Variants in AGAP1 observed in about 807,000 individuals in gnomAD.
The protein encoded by AGAP1 is ArfGAP with GTPase domain, ankyrin repeat and PH domain 1, also known as arf-GAP with GTPase, ANK repeat and PH domain-containing protein 1.
AGAP1 carries 29 observed loss-of-function variants against 105.3 expected under a neutral mutation model. That is an observed-to-expected ratio of 0.28 (90% confidence interval 0.21 to 0.38). The LOEUF (loss-of-function observed/expected upper bound fraction) is 0.38. Among genes scored for constraint, AGAP1 ranks in the 10% least tolerant of loss-of-function variants. The pLI is 1.00. For missense variants in AGAP1, 998 were observed against 1,165.1 expected, an observed-to-expected ratio of 0.86 and a Z score of 2.09; for synonymous variants, 509 against 485.9, an observed-to-expected ratio of 1.05 and a Z score of -0.63.
chr2:235,968,482 G>A lies in AGAP1; in HGVS notation c.1504G>A (p.Val502Ile), dbSNP rs776505497. 2.2e-5 allele frequency: 36 copies of A among 1,601,042 alleles called. No individual in the cohort carries two copies. In the African/African-American group the frequency reaches 3.0e-4, roughly 14 times the overall value. ...GGCAGACACAGGGCTGGGTGACTCC[G>A]TATGCTCCAGCCCCAGTATCTCCAG... ...ISSDTGLGDS[V>I]CSSPSISSTT... The change falls in exon 13 of 18, where the codon GTA becomes ATA. Residue 502 changes from valine to isoleucine, a missense_variant. By Grantham distance (29) the Val-to-Ile change is conservative. Around this residue, in one of 3 missense-constraint regions of AGAP1, gnomAD observed 735 missense variants for 833.4 expected, o/e 0.88. Transcript: ENST00000304032.
In AGAP1 at chr2:235,691,224, G is replaced by A. The variant is rs1243142588; in HGVS notation, c.164-17955G>A. Among the ~76,000 whole-genome samples the A allele has an allele frequency of 1.3e-5, 2 of 152,134 alleles. No individual in the cohort carries two copies. The highest frequency in any genetic ancestry group is 6.5e-5 in the Admixed American group (1 of 15,276). ...CTGGATGCTGGTGCCTTTTCCCACC[G>A]TCAATCAAGCACATGCGCATAGGGC... is the stretch of plus-strand genomic sequence containing the variant. On this transcript the variant is annotated intron_variant, in intron 1 of 17. Transcript: ENST00000304032. The surrounding 1 kb of genome is among the most constrained non-coding windows in gnomAD (Gnocchi z 4.4).
chr2:236,008,020 C>T (rs1005155048), intron 13 of AGAP1, among the ~76,000 whole-genome samples: 1 of 152,234 alleles, frequency 6.6e-6, no homozygotes, highest in Non-Finnish European at 1.5e-5. Context: ...ATTTGAACCT[C>T]ATTTTTTTCT....
Position 235,691,399 on chromosome 2 carries a change from G to A in AGAP1, c.164-17780G>A, listed in dbSNP as rs567897738. Among the ~76,000 whole-genome samples the A allele has an allele frequency of 6.6e-6, 1 of 152,210 alleles. No homozygotes were observed. Among genetic ancestry groups the A allele is most frequent in the Admixed American group, 6.5e-5 (1 of 15,284 alleles). On this transcript the variant is annotated intron_variant, in intron 1 of 17. Transcript: ENST00000304032. The surrounding 1 kb of genome is among the most constrained non-coding windows in gnomAD (Gnocchi z 4.4). Reference sequence around the variant, plus strand: ...CTTTTGGAGACAGGAATTGTTACACGTCTCCGTTGCGAGAAGCAAAAGTAG... The same window carrying A: ...CTTTTGGAGACAGGAATTGTTACACATCTCCGTTGCGAGAAGCAAAAGTAG...
At chr2:235,974,623 G>A (rs1430390083) in intron 13 of AGAP1, among the ~76,000 whole-genome samples, 1 of 152,096 alleles carries the variant, frequency 6.6e-6, no homozygotes, top group Non-Finnish European at 1.5e-5. Flanking sequence ...TCCTGTAGAG[G>A]GTAAGTCACA....
In AGAP1 at chr2:235,586,267, G is replaced by A. The variant is rs1574906912; in HGVS notation, c.163+91418G>A. ...TCCAGAAGAGAGGAGAGAGAAGCCC[G>A]CTGCACTCTCCACTGACCAGACCAC... On this transcript the variant is annotated intron_variant, in intron 1 of 17. Transcript: ENST00000304032. This position sits in a 1 kb window ranked among gnomAD's most constrained non-coding sequence, Gnocchi z 4.2. 1.3e-5 allele frequency among the ~76,000 whole-genome samples: 2 copies of A among 152,182 alleles called. No individual in the cohort carries two copies. The highest frequency in any genetic ancestry group is 2.9e-5 in the Non-Finnish European group (2 of 68,040).
chr2:235,762,812 G>T (rs1328985866), intron 6 of AGAP1, among the ~76,000 whole-genome samples: 4 of 152,186 alleles, frequency 2.6e-5, no homozygotes, highest in Admixed American at 2.0e-4. Context: ...GGCAGAGGTT[G>T]TGGTGAGCTG....
intron 16 of AGAP1, among the ~76,000 whole-genome samples, chr2:236,064,913 AT>A (rs1294314297): frequency 1.3e-5 from 2 of 152,268 alleles, no homozygotes; most frequent in Admixed American, 1.3e-4. Flanking sequence ...CAGAGGAGCC[AT>A]AGTAGATACT....
intron 6 of AGAP1, among the ~76,000 whole-genome samples, chr2:235,764,487 TAA>T (rs929730302): frequency 2.3e-4 from 35 of 152,244 alleles, no homozygotes; most frequent in African/African-American, 7.7e-4. Context: ...TTGGTGATCG[TAA>T]AAATCTGTTA....
intron 13 of AGAP1, among the ~76,000 whole-genome samples, chr2:236,013,507 G>A (rs2317305): frequency 0.66 from 99,769 of 152,080 alleles, 34,136 homozygotes; most frequent in African/African-American, 0.85. Context: ...CCGTTGGCCA[G>A]CTCATGCTTT....
In AGAP1 at chr2:235,690,346, G is replaced by C. The variant is rs374287795; in HGVS notation, c.164-18833G>C. ...GGACTCCTGGGGCTGGGGAGGCCGTGCCCTGGGGGCAGGTGCAGGAGGGAG... is the reference window on the plus strand; with the variant it reads ...GGACTCCTGGGGCTGGGGAGGCCGTCCCCTGGGGGCAGGTGCAGGAGGGAG... On this transcript the variant is annotated intron_variant, in intron 1 of 17. Coordinates refer to ENST00000304032, the MANE Select transcript of AGAP1 (RefSeq NM_001037131.3). This position sits in a 1 kb window ranked among gnomAD's most constrained non-coding sequence, Gnocchi z 4.1. 6.6e-6 allele frequency among the ~76,000 whole-genome samples: 1 copy of C among 152,090 alleles called. No homozygotes were observed. The highest frequency in any genetic ancestry group is 2.4e-5 in the African/African-American group (1 of 41,404).
At position 236,120,400 on chromosome 2, in the gene AGAP1, C is replaced by G; in HGVS notation, c.2323C>G (p.Leu775Val). The change falls in exon 17 of 18, where the codon CTG becomes GTG. Residue 775 changes from leucine (L) to valine (V), a missense_variant. Leu to Val is a conservative substitution (Grantham distance 32). Transcript: ENST00000304032. The surrounding 1 kb of genome is among the most constrained non-coding windows in gnomAD (Gnocchi z 6.0). ...GEGDGRTALH[L>V]ACRKGNVVLA... ...GGGAGACGGCCGCACGGCGCTGCATCTGGCCTGCCGCAAGGGGAATGTGGT... is the reference window on the plus strand; with the variant it reads ...GGGAGACGGCCGCACGGCGCTGCATGTGGCCTGCCGCAAGGGGAATGTGGT... The G allele has an allele frequency of 1.2e-6, 2 of 1,611,494 alleles. No individual in the cohort carries two copies. Among genetic ancestry groups the G allele is most frequent in the Non-Finnish European group, 1.7e-6 (2 of 1,179,800 alleles).
chr2:235,613,113 T>A (rs966390593), intron 1 of AGAP1, among the ~76,000 whole-genome samples: 3 of 150,450 alleles, frequency 2.0e-5, no homozygotes, highest in Non-Finnish European at 4.4e-5. Context: ...GTGTAACCTC[T>A]GCCTCCTGAG....
intron 6 of AGAP1, among the ~76,000 whole-genome samples, chr2:235,768,676 A>G (rs1455006881): frequency 6.6e-6 from 1 of 152,202 alleles, no homozygotes; most frequent in Non-Finnish European, 1.5e-5. Context: ...GGCGGCATCC[A>G]GGGATGTGCA....
rs139811699 is a variant in AGAP1, at chr2:235,780,181, CAAG to C, written c.674-17570_674-17568del. ...GATACAGTGGTGCCTAATTTTATTTCAAGAAGAAGATAGTTTGTTGCTTTTTTT... is the reference window on the plus strand; with the variant it reads ...GATACAGTGGTGCCTAATTTTATTTCAAGAAGATAGTTTGTTGCTTTTTTT... On this transcript the variant is annotated intron_variant, in intron 6 of 17. Coordinates refer to ENST00000304032, the MANE Select transcript of AGAP1 (RefSeq NM_001037131.3). Among the ~76,000 whole-genome samples the C allele has an allele frequency of 2.3e-3, 347 of 152,228 alleles. 3 individuals carry two copies. The East Asian group carries it at 0.025, about 11-fold the overall frequency.
chr2:235,638,845 A>G (rs1947098052), intron 1 of AGAP1, among the ~76,000 whole-genome samples: 1 of 152,180 alleles, frequency 6.6e-6, no homozygotes, highest in South Asian at 2.1e-4. Context: ...AGCACTATTG[A>G]CATTTTGTGC....
At chr2:235,802,631 G>T (rs1033296180) in intron 8 of AGAP1, among the ~76,000 whole-genome samples, 1 of 152,058 alleles carries the variant, frequency 6.6e-6, no homozygotes, top group African/African-American at 2.4e-5. Context: ...CAAAATGATG[G>T]TGGTGATGAT....
At position 236,038,551 on chromosome 2, in the gene AGAP1, G is replaced by A. The variant is rs368669775; in HGVS notation, c.1800+1836G>A. On this transcript the variant is annotated intron_variant, in intron 14 of 17. Coordinates refer to ENST00000304032, the MANE Select transcript of AGAP1 (RefSeq NM_001037131.3). The surrounding 1 kb of genome is among the most constrained non-coding windows in gnomAD (Gnocchi z 4.5). ...AATTGCTCCCTTGGGAGGAGGACGC[G>A]TTGAGCAACCAAAGGTGGCCGACTC... 2.1e-4 allele frequency among the ~76,000 whole-genome samples: 32 copies of A among 152,156 alleles called. No homozygotes were observed. The highest frequency in any genetic ancestry group is 3.5e-4 in the Non-Finnish European group (24 of 68,030).
intron 1 of AGAP1, among the ~76,000 whole-genome samples, chr2:235,669,334 T>G (rs1948238361): frequency 6.6e-6 from 1 of 152,180 alleles, no homozygotes. Context: ...ATGCCTCATT[T>G]AAACGCGCAG....
chr2:235,603,112 T>C (rs1945788302), intron 1 of AGAP1, among the ~76,000 whole-genome samples: 1 of 152,158 alleles, frequency 6.6e-6, no homozygotes, highest in Admixed American at 6.5e-5. Context: ...CAGTGGGGGA[T>C]AATTGAATCA....
Sources: allele counts gnomAD v4.1 joint callset (sites outside exome capture counted in the v4.1 genomes callset), GRCh38; gene constraint gnomAD v4.1.1; regional missense constraint gnomAD v4.1.1; non-coding constraint Gnocchi (gnomAD v3.1); transcripts MANE v1.5; gene names NCBI Gene and HGNC (gene_info 2026-07-23, HGNC 2026-07-21).